The following BOC variants were observed in gnomAD, a reference collection of about 807,000 sequenced individuals.
BOC encodes the protein BOC cell adhesion associated, oncogene regulated, also known as brother of CDO.
BOC carries 76 observed loss-of-function variants against 112.0 expected under a neutral mutation model. The ratio of observed to expected loss-of-function variants is 0.68; its 90% CI spans 0.56 to 0.82. The LOEUF is 0.82. Among genes scored for constraint, BOC ranks in the 40% least tolerant of loss-of-function variants. The probability of loss-of-function intolerance (pLI) is 0.00; values close to 1 mark genes in which losing one functional copy is unlikely to be tolerated. For missense variants in BOC, 1,309 were observed against 1,511.7 expected, an observed-to-expected ratio of 0.87 and a Z score of 2.22; for synonymous variants, 580 against 599.8, an observed-to-expected ratio of 0.97 and a Z score of 0.48.
At chr3:113,213,729 C>G (rs1445353739) in intron 1 of BOC, among the ~76,000 whole-genome samples, 2 of 152,192 alleles carry the variant, frequency 1.3e-5, no homozygotes, top group Non-Finnish European at 2.9e-5. Context: ...TCGTGGTGAT[C>G]TGAAAGCACC....
intron 2 of BOC, among the ~76,000 whole-genome samples, chr3:113,241,396 C>T (rs1026826972): frequency 1.1e-4 from 16 of 152,090 alleles, no homozygotes; most frequent in Non-Finnish European, 5.9e-5. Flanking sequence ...GTTCCTGGCC[C>T]TGTGTGGATG....
intron 1 of BOC, among the ~76,000 whole-genome samples, chr3:113,213,821 T>C (rs777887008): frequency 3.3e-5 from 5 of 152,220 alleles, no homozygotes; most frequent in Non-Finnish European, 7.3e-5. Context: ...AATGAGTTTA[T>C]GCAAAGAGGT....
rs887480623 is a variant in BOC, at chr3:113,274,219, C to T, written c.1235-156C>T. ...ACAGGGACACCAGCGCTGTCTTCCA[C>T]GGAGCCTGGCTGGGCAGCACAGAGT... On this transcript the variant is annotated intron_variant, in intron 8 of 19. Coordinates refer to ENST00000682979, the MANE Select transcript of BOC (RefSeq NM_001378074.1). This position sits in a 1 kb window ranked among gnomAD's most constrained non-coding sequence, Gnocchi z 4.8. 5.3e-5 allele frequency among the ~76,000 whole-genome samples: 8 copies of T among 152,248 alleles called. No homozygotes were observed. The highest frequency in any genetic ancestry group is 1.7e-4 in the African/African-American group (7 of 41,468).
At chr3:113,223,098 T>G (rs1288885362) in intron 2 of BOC, among the ~76,000 whole-genome samples, 1 of 152,006 alleles carries the variant, frequency 6.6e-6, no homozygotes. Flanking sequence ...TGAGAAAAAA[T>G]AAAAATAGGG....
At chr3:113,259,763 G>T (rs1484659396) in intron 4 of BOC, among the ~76,000 whole-genome samples, 2 of 152,166 alleles carry the variant, frequency 1.3e-5, no homozygotes, top group African/African-American at 4.8e-5. Flanking sequence ...AAAAAAACTT[G>T]CTGAAGTAGA....
chr3:113,279,179 A>T, intron 11 of BOC, 70 bp from the exon 12 acceptor site: 1 of 1,512,270 alleles, frequency 6.6e-7, no homozygotes, highest in Non-Finnish European at 9.1e-7. Context: ...ATACAGCGTC[A>T]TCTCACCCTG....
At position 113,284,622 on chromosome 3, in the gene BOC, T is replaced by C. The variant is rs918857850; in HGVS notation, c.2889+55T>C. ...TATGGGACACCCAGGAGGGAGTGGC[T>C]GGGCTGCCTTGGGGGGCCTCCTCCC... On this transcript the variant is annotated intron_variant, in intron 17 of 19. Transcript: ENST00000682979. 6.4e-6 allele frequency: 10 copies of C among 1,562,272 alleles called. 1 individual carries two copies. The Middle Eastern group carries it at 5.3e-4, about 83-fold the overall frequency.
chr3:113,236,266 G>GGGTATATATATATATATA, intron 2 of BOC, among the ~76,000 whole-genome samples: 1 of 52,616 alleles, frequency 1.9e-5, no homozygotes, highest in Admixed American at 1.6e-4. Context: ...GTGTGTGTGT[G>GGGTATATATATATATATA]TATATATACC....
chr3:113,265,520 T>C (rs1041575226), intron 4 of BOC, among the ~76,000 whole-genome samples: 16 of 152,216 alleles, frequency 1.1e-4, no homozygotes, highest in South Asian at 2.1e-4. Flanking sequence ...CCTCCTGACT[T>C]GGCAGGTACA....
intron 4 of BOC, among the ~76,000 whole-genome samples, chr3:113,254,207 C>T (rs570207636): frequency 4.6e-5 from 7 of 152,288 alleles, no homozygotes; most frequent in South Asian, 2.1e-4. Flanking sequence ...GTGCAGAAGC[C>T]GAGCTGGGCT....
intron 2 of BOC, among the ~76,000 whole-genome samples, chr3:113,236,266 G>GGGTATATATATATATATATA (rs1553726809): frequency 1.7e-4 from 9 of 52,594 alleles, no homozygotes; most frequent in South Asian, 5.6e-4. Flanking sequence ...GTGTGTGTGT[G>GGGTATATATATATATATATA]TATATATACC....
chr3:113,212,957 T>C (rs949507428), intron 1 of BOC, among the ~76,000 whole-genome samples: 56 of 152,092 alleles, frequency 3.7e-4, no homozygotes, highest in African/African-American at 1.3e-3. Context: ...GATGGGAGAA[T>C]GCTGAGGGAT....
Position 113,274,275 on chromosome 3 carries a change from G to A in BOC, c.1235-100G>A. 1 of 1,201,660 alleles carries A rather than the reference G, an allele frequency of 8.3e-7. No individual in the cohort carries two copies. The allele number at this position is 1,201,660 out of a possible 1,614,324, so 74.4% of individuals were successfully genotyped here. A position where few individuals can be genotyped will look rare whatever the true frequency, so the allele number is the denominator to read the frequency against. The stretch of plus-strand genomic sequence containing the variant: ...GCGGTACAGCTGATGGTGGGCCCAG[G>A]TTGCCTCTCTGTCTTCTTTCTGTTT... On this transcript the variant is annotated intron_variant, in intron 8 of 19. Coordinates refer to ENST00000682979, the MANE Select transcript of BOC (RefSeq NM_001378074.1). This position sits in a 1 kb window ranked among gnomAD's most constrained non-coding sequence, Gnocchi z 4.8.
At chr3:113,284,308 C>G (rs1437252187) in intron 16 of BOC, 27 bp from the exon 17 acceptor site, 1 of 1,600,908 alleles carries the variant, frequency 6.2e-7, no homozygotes, top group Admixed American at 1.7e-5. Flanking sequence ...TTGGCCTAAG[C>G]ACACCTTTAT....
intron 13 of BOC, 70 bp downstream of exon 13, chr3:113,280,075 G>T: frequency 2.1e-6 from 3 of 1,462,288 alleles, no homozygotes; most frequent in Non-Finnish European, 2.8e-6. Context: ...GTGAGCCTGG[G>T]GATTAGACTC....
At chr3:113,237,359 G>T (rs187535875) in intron 2 of BOC, among the ~76,000 whole-genome samples, 1 of 151,994 alleles carries the variant, frequency 6.6e-6, no homozygotes, top group Non-Finnish European at 1.5e-5. Context: ...TGAACCTGTC[G>T]TCTTTCTCAC....
intron 2 of BOC, among the ~76,000 whole-genome samples, chr3:113,236,311 T>C (rs186168895): frequency 0.069 from 4,248 of 61,996 alleles, 535 homozygotes; most frequent in African/African-American, 0.17. Context: ...TATATATATA[T>C]ACCCATGGAA....
chr3:113,221,039 G>A (rs1940533231), intron 2 of BOC, among the ~76,000 whole-genome samples: 1 of 152,204 alleles, frequency 6.6e-6, no homozygotes, highest in African/African-American at 2.4e-5. Context: ...TCCTGGTTGA[G>A]GGGAGGCTTT....
intron 2 of BOC, among the ~76,000 whole-genome samples, chr3:113,226,204 C>T (rs1367004610): frequency 6.6e-6 from 1 of 152,170 alleles, no homozygotes; most frequent in East Asian, 1.9e-4. Context: ...GAAAAAAACT[C>T]ACCTTTATCA....
Sources: gnomAD v4.1 joint callset for allele counts (sites outside exome capture counted in the v4.1 genomes callset) on GRCh38, gnomAD v4.1.1 for gene constraint, Gnocchi (gnomAD v3.1) non-coding constraint, MANE v1.5 for transcripts, NCBI Gene and HGNC (gene_info 2026-07-23, HGNC 2026-07-21) for gene names.